Variants in SLC22A3 observed in about 807,000 individuals in gnomAD.
SLC22A3 encodes EMT organic cation transporter 3.
SLC22A3 carries 51 observed loss-of-function variants against 59.1 expected under a neutral mutation model. That is an observed-to-expected ratio of 0.86 (90% CI 0.69 to 1.09). The LOEUF is 1.09. Ranked by LOEUF, SLC22A3 falls within the 50% of genes least tolerant of loss-of-function variation. SLC22A3 has a pLI of 0.00. For missense variants in SLC22A3, 711 were observed against 726.3 expected (o/e 0.98, Z 0.24); for synonymous variants, 325 against 292.0 (o/e 1.11, Z -1.15).
intron 1 of SLC22A3, among the ~76,000 whole-genome samples, chr6:160,381,137 G>T (rs1785780953): frequency 6.6e-6 from 1 of 152,120 alleles, no homozygotes; most frequent in Non-Finnish European, 1.5e-5. Context: ...TCAAAGCAGG[G>T]ATAATCTCAT....
At chr6:160,429,429 C>T (rs1788071702) in intron 5 of SLC22A3, among the ~76,000 whole-genome samples, 2 of 152,190 alleles carry the variant, frequency 1.3e-5, no homozygotes, top group Non-Finnish European at 2.9e-5. Flanking sequence ...CCATCCCCTT[C>T]CCCCTGCCCA....
intron 2 of SLC22A3, among the ~76,000 whole-genome samples, chr6:160,399,484 C>T (rs1022551069): frequency 3.3e-5 from 5 of 152,056 alleles, no homozygotes; most frequent in African/African-American, 4.8e-5. Flanking sequence ...GGGAATTTCC[C>T]CTTCCTATAT....
intron 2 of SLC22A3, among the ~76,000 whole-genome samples, chr6:160,399,471 G>A (rs1786667445): frequency 6.6e-6 from 1 of 152,064 alleles, no homozygotes; most frequent in Admixed American, 6.5e-5. Flanking sequence ...CGTTACTAAA[G>A]TGGGGAATTT....
intron 8 of SLC22A3, 63 bp from the exon 9 acceptor site, chr6:160,443,567 G>A: frequency 2.7e-6 from 3 of 1,106,070 alleles, no homozygotes; most frequent in Non-Finnish European, 4.1e-6. Context: ...GTCTGAATAT[G>A]TTGATTATCT....
chr6:160,396,400 A>T (rs1035115078), intron 1 of SLC22A3, among the ~76,000 whole-genome samples: 1 of 152,194 alleles, frequency 6.6e-6, no homozygotes, highest in African/African-American at 2.4e-5. Context: ...AACTTACATG[A>T]CATGCTGGCT....
At chr6:160,355,000 G>A (rs1002422049) in intron 1 of SLC22A3, among the ~76,000 whole-genome samples, 1 of 152,192 alleles carries the variant, frequency 6.6e-6, no homozygotes, top group Non-Finnish European at 1.5e-5. Flanking sequence ...GAGGATGGTG[G>A]AACTCTTACA....
intron 1 of SLC22A3, among the ~76,000 whole-genome samples, chr6:160,375,694 A>C (rs1785564026): frequency 6.6e-6 from 1 of 152,230 alleles, no homozygotes; most frequent in African/African-American, 2.4e-5. Context: ...TAAATTCTGA[A>C]AGTCTTGCAT....
At chr6:160,438,829 T>C (rs1342739160) in intron 7 of SLC22A3, among the ~76,000 whole-genome samples, 1 of 152,152 alleles carries the variant, frequency 6.6e-6, no homozygotes, top group Non-Finnish European at 1.5e-5. Flanking sequence ...AGGGTGCTTA[T>C]GTCCAGAGGT....
At chr6:160,429,755 C>A (rs1218109457) in intron 5 of SLC22A3, among the ~76,000 whole-genome samples, 1 of 152,016 alleles carries the variant, frequency 6.6e-6, no homozygotes, top group Non-Finnish European at 1.5e-5. Context: ...GAAAAAGTAT[C>A]CTGCCTTAAG....
intron 1 of SLC22A3, among the ~76,000 whole-genome samples, chr6:160,376,578 G>T (rs1785603921): frequency 6.6e-6 from 1 of 152,134 alleles, no homozygotes; most frequent in Non-Finnish European, 1.5e-5. Context: ...AGCATGCCAT[G>T]GTACTTGTGA....
chr6:160,381,532 A>G (rs1441664136), intron 1 of SLC22A3, among the ~76,000 whole-genome samples: 1 of 152,240 alleles, frequency 6.6e-6, no homozygotes, highest in Non-Finnish European at 1.5e-5. Context: ...TTGTTTAAAC[A>G]CTAATAGTTA....
In SLC22A3 at chr6:160,406,236, C is replaced by G. The variant is rs562046659; in HGVS notation, c.534-805C>G. Among the ~76,000 whole-genome samples, 3 of 152,272 alleles carry G rather than the reference C, an allele frequency of 2.0e-5. No individual in the cohort carries two copies. In the South Asian group the frequency reaches 6.2e-4, roughly 32 times the overall value. On this transcript the variant is annotated intron_variant, in intron 2 of 10. Transcript: ENST00000275300. ...AACTAAGGCTACTTCCATCTCTACTCTGCTGACTCAAGCAAGATGCTATAT... is the reference window on the plus strand; with the variant it reads ...AACTAAGGCTACTTCCATCTCTACTGTGCTGACTCAAGCAAGATGCTATAT...
chr6:160,388,795 C>G (rs1204828234), intron 1 of SLC22A3, among the ~76,000 whole-genome samples: 3 of 152,110 alleles, frequency 2.0e-5, no homozygotes, highest in African/African-American at 4.8e-5. Context: ...AAGAAGCTAA[C>G]AGCAATTATC....
At chr6:160,438,137 G>T (rs557965672) in intron 7 of SLC22A3, among the ~76,000 whole-genome samples, 2 of 152,286 alleles carry the variant, frequency 1.3e-5, no homozygotes, top group South Asian at 4.1e-4. Flanking sequence ...CAGAGATGTT[G>T]CAGAGTTAAA....
chr6:160,404,110 G>A (rs560391609), intron 2 of SLC22A3, among the ~76,000 whole-genome samples: 1 of 151,964 alleles, frequency 6.6e-6, no homozygotes, highest in African/African-American at 2.4e-5. Flanking sequence ...CAGGTATACT[G>A]ATTGGAAAGG....
At chr6:160,436,554 T>C (rs959241961) in intron 5 of SLC22A3, among the ~76,000 whole-genome samples, 1 of 152,222 alleles carries the variant, frequency 6.6e-6, no homozygotes, top group African/African-American at 2.4e-5. Context: ...CATAAAGTAC[T>C]GAAATTATCC....
chr6:160,398,630 C>T (rs1293722719), intron 2 of SLC22A3, among the ~76,000 whole-genome samples: 2 of 152,148 alleles, frequency 1.3e-5, no homozygotes, highest in African/African-American at 4.8e-5. Context: ...CAGTGGCAGG[C>T]ATGGTGAGTG....
At chr6:160,395,323 A>T in intron 1 of SLC22A3, among the ~76,000 whole-genome samples, 1 of 152,198 alleles carries the variant, frequency 6.6e-6, no homozygotes, top group East Asian at 1.9e-4. Context: ...ATTAAAAGGC[A>T]AGCTCTTGAT....
At chr6:160,419,989 G>C (rs958076884) in intron 5 of SLC22A3, among the ~76,000 whole-genome samples, 1 of 152,092 alleles carries the variant, frequency 6.6e-6, no homozygotes, top group Non-Finnish European at 1.5e-5. Context: ...CGCATAAAAT[G>C]AGAAAACTGT....
Sources: gnomAD v4.1 joint callset for allele counts (sites outside exome capture counted in the v4.1 genomes callset) on GRCh38, gnomAD v4.1.1 for gene constraint, MANE v1.5 for transcripts, NCBI Gene and HGNC (gene_info 2026-07-23, HGNC 2026-07-21) for gene names.